Variants in NCAM2 observed in about 807,000 individuals in gnomAD.
NCAM2 encodes neural cell adhesion molecule 2, also known as N-CAM-2.
In NCAM2, 30 loss-of-function variants were observed where a neutral mutation model predicts 98.1. The observed-to-expected ratio is 0.31, with a 90% CI of 0.23 to 0.41. The LOEUF (loss-of-function observed/expected upper bound fraction) is 0.41, where lower values mean the gene tolerates loss of function less well. NCAM2 is among the 10% of genes least tolerant of loss of function. The probability of loss-of-function intolerance (pLI) is 1.00; values close to 1 mark genes in which losing one functional copy is unlikely to be tolerated. For synonymous variants in NCAM2, 368 were observed against 342.4 expected (o/e 1.07, Z -0.83); for missense variants, 867 against 1,005.8 (o/e 0.86, Z 1.87).
chr21:21,373,341 A>T (rs986376209), intron 8 of NCAM2, among the ~76,000 whole-genome samples: 1 of 151,926 alleles, frequency 6.6e-6, no homozygotes, highest in Non-Finnish European at 1.5e-5. Context: ...GCAATCAGGA[A>T]CTATTTTTAA....
At chr21:21,269,779 T>C (rs778262657) in intron 1 of NCAM2, among the ~76,000 whole-genome samples, 4 of 152,186 alleles carry the variant, frequency 2.6e-5, no homozygotes, top group Non-Finnish European at 5.9e-5. Context: ...TACAATATTT[T>C]GTAGTAGCAT....
At chr21:21,319,262 TA>T (rs2074306138) in intron 5 of NCAM2, among the ~76,000 whole-genome samples, 1 of 152,148 alleles carries the variant, frequency 6.6e-6, no homozygotes, top group African/African-American at 2.4e-5. Flanking sequence ...AACATACAAA[TA>T]AAGAACAATA....
At chr21:21,094,628 T>G (rs1013015563) in intron 1 of NCAM2, among the ~76,000 whole-genome samples, 4 of 151,784 alleles carry the variant, frequency 2.6e-5, no homozygotes, top group South Asian at 2.1e-4. Context: ...GAATTTCAGT[T>G]ATGTCAACAT....
At chr21:21,514,093 A>C (rs958252244) in intron 16 of NCAM2, among the ~76,000 whole-genome samples, 2 of 151,338 alleles carry the variant, frequency 1.3e-5, no homozygotes. Flanking sequence ...TAAATTATGT[A>C]TATACAATTT....
At chr21:21,066,024 G>T (rs1387121268) in intron 1 of NCAM2, among the ~76,000 whole-genome samples, 1 of 152,136 alleles carries the variant, frequency 6.6e-6, no homozygotes, top group African/African-American at 2.4e-5. Flanking sequence ...TTACTGAGCA[G>T]GGAGTGTCCT....
At chr21:21,395,337 G>A (rs555464362) in intron 9 of NCAM2, among the ~76,000 whole-genome samples, 4 of 151,922 alleles carry the variant, frequency 2.6e-5, no homozygotes, top group Non-Finnish European at 5.9e-5. Context: ...GCAAGACTTT[G>A]TCTCAAAGAA....
chr21:21,119,571 A>AT (rs1377970045), intron 1 of NCAM2, among the ~76,000 whole-genome samples: 1 of 104,450 alleles, frequency 9.6e-6, no homozygotes, highest in Non-Finnish European at 2.1e-5. Context: ...AAAATGTATC[A>AT]ACTAATTATA....
intron 5 of NCAM2, among the ~76,000 whole-genome samples, chr21:21,295,835 T>TTCTCTC (rs374173343): frequency 4.4e-5 from 5 of 113,040 alleles, no homozygotes; most frequent in African/African-American, 1.9e-4. Flanking sequence ...TTTTGTCTGT[T>TTCTCTC]TCTCTCTCTC....
intron 12 of NCAM2, among the ~76,000 whole-genome samples, chr21:21,445,618 TG>T (rs1158168462): frequency 6.6e-6 from 1 of 152,162 alleles, no homozygotes; most frequent in Non-Finnish European, 1.5e-5. Flanking sequence ...TGATCTTTGT[TG>T]GTTTAAAGTG....
intron 4 of NCAM2, among the ~76,000 whole-genome samples, chr21:21,288,054 A>C (rs575280976): frequency 6.6e-6 from 1 of 151,626 alleles, no homozygotes; most frequent in Non-Finnish European, 1.5e-5. Flanking sequence ...TAAAAAGCAT[A>C]GTATTTGGTA....
chr21:21,404,699 A>G lies in NCAM2; in HGVS notation c.1196-5575A>G, dbSNP rs1038787728. On this transcript the variant is annotated intron_variant, in intron 9 of 17. Coordinates refer to ENST00000400546, the MANE Select transcript of NCAM2 (RefSeq NM_004540.5). ...TCAATATATGTCAGTATATCTATAT[A>G]TACACAATATATGCCATTAAATGTA... Among the ~76,000 whole-genome samples the G allele has an allele frequency of 2.6e-5, 4 of 151,840 alleles. 1 individual carries two copies. In the East Asian group the frequency reaches 7.7e-4, roughly 29 times the overall value.
intron 5 of NCAM2, among the ~76,000 whole-genome samples, chr21:21,303,857 T>C (rs947546020): frequency 1.3e-5 from 2 of 152,162 alleles, no homozygotes; most frequent in Admixed American, 1.3e-4. Context: ...TTAATTTGCA[T>C]TTCCCTAATG....
chr21:21,416,762 A>G (rs1023022129), intron 10 of NCAM2, among the ~76,000 whole-genome samples: 15 of 152,260 alleles, frequency 9.9e-5, no homozygotes, highest in African/African-American at 3.4e-4. Context: ...ATAAAATTAT[A>G]TAACATTTCA....
chr21:21,471,718 G>A (rs1254684615), intron 14 of NCAM2, among the ~76,000 whole-genome samples: 2 of 151,790 alleles, frequency 1.3e-5, no homozygotes, highest in Admixed American at 1.3e-4. Flanking sequence ...TTTAATTTGG[G>A]TTTCACTGGG....
At chr21:21,440,089 T>G (rs1602347564) in intron 12 of NCAM2, among the ~76,000 whole-genome samples, 2 of 152,306 alleles carry the variant, frequency 1.3e-5, no homozygotes, top group South Asian at 4.1e-4. Context: ...TCAACAAACT[T>G]TAGTTCGCTG....
intron 1 of NCAM2, among the ~76,000 whole-genome samples, chr21:21,028,746 A>G (rs1042741810): frequency 3.3e-5 from 5 of 152,230 alleles, no homozygotes; most frequent in African/African-American, 1.2e-4. Flanking sequence ...TGTCTATTAT[A>G]TTCTAATACT....
chr21:21,224,245 A>G (rs994888818), intron 1 of NCAM2, among the ~76,000 whole-genome samples: 1 of 152,156 alleles, frequency 6.6e-6, no homozygotes, highest in East Asian at 1.9e-4. Flanking sequence ...AAATTTCTCC[A>G]AAAAAGAAAA....
chr21:21,001,279 T>C (rs1375465782), intron 1 of NCAM2, among the ~76,000 whole-genome samples: 1 of 152,222 alleles, frequency 6.6e-6, no homozygotes, highest in Non-Finnish European at 1.5e-5. Flanking sequence ...ACCTTATTGT[T>C]GTACAGTAGT....
At chr21:21,003,288 A>T (rs1378684858) in intron 1 of NCAM2, among the ~76,000 whole-genome samples, 1 of 152,164 alleles carries the variant, frequency 6.6e-6, no homozygotes, top group African/African-American at 2.4e-5. Context: ...GAGAATATTT[A>T]TAAGCATGGC....
Sources: allele counts gnomAD v4.1 joint callset (sites outside exome capture counted in the v4.1 genomes callset), GRCh38; gene constraint gnomAD v4.1.1; transcripts MANE v1.5; gene names NCBI Gene and HGNC (gene_info 2026-07-23, HGNC 2026-07-21).